CNBD1: variants seen among roughly 807,000 people sequenced by gnomAD.
The protein encoded by CNBD1 is cyclic nucleotide-binding domain-containing protein 1.
A neutral mutation model predicts 54.4 loss-of-function variants in CNBD1; 71 were observed. The ratio of observed to expected loss-of-function variants is 1.30; its 90% CI spans 1.08 to 1.59. The LOEUF is 1.59. CNBD1 is among the 40% of genes most tolerant of loss of function. The probability of loss-of-function intolerance (pLI) is 0.00; values close to 1 mark genes in which losing one functional copy is unlikely to be tolerated. For missense variants in CNBD1, 659 were observed against 518.0 expected (o/e 1.27, Z -2.64); for synonymous variants, 182 against 170.7 (o/e 1.07, Z -0.51).
intron 4 of CNBD1, among the ~76,000 whole-genome samples, chr8:86,946,432 C>A (rs562860759): frequency 1.3e-5 from 2 of 152,000 alleles, no homozygotes; most frequent in Non-Finnish European, 2.9e-5. Context: ...TAGACATAAG[C>A]AAACATCTAT....
intron 4 of CNBD1, among the ~76,000 whole-genome samples, chr8:87,076,018 C>T (rs561364965): frequency 1.7e-4 from 26 of 152,166 alleles, no homozygotes; most frequent in Non-Finnish European, 3.2e-4. Flanking sequence ...AAATATTATA[C>T]ATACACTAGT....
chr8:87,259,102 A>AT (rs377579669), intron 6 of CNBD1, among the ~76,000 whole-genome samples: 4 of 152,104 alleles, frequency 2.6e-5, no homozygotes, highest in African/African-American at 9.7e-5. Context: ...TATAGTGGTA[A>AT]TTTTTAACAA....
intron 5 of CNBD1, among the ~76,000 whole-genome samples, chr8:87,226,867 G>T (rs1298593422): frequency 6.6e-6 from 1 of 151,096 alleles, no homozygotes; most frequent in Non-Finnish European, 1.5e-5. Flanking sequence ...ATTAATGTGT[G>T]GGAATCTGAG....
intron 4 of CNBD1, among the ~76,000 whole-genome samples, chr8:87,098,550 T>C (rs569531319): frequency 2.6e-5 from 4 of 152,038 alleles, no homozygotes; most frequent in Non-Finnish European, 5.9e-5. Flanking sequence ...ACCAAAGACA[T>C]GAAGCTCTTT....
At chr8:87,135,035 A>G (rs1036844037) in intron 4 of CNBD1, among the ~76,000 whole-genome samples, 1 of 152,126 alleles carries the variant, frequency 6.6e-6, no homozygotes, top group African/African-American at 2.4e-5. Context: ...TACTTACTTT[A>G]TACTTTCCTA....
intron 8 of CNBD1, among the ~76,000 whole-genome samples, chr8:87,304,957 G>A (rs1809110500): frequency 1.3e-5 from 2 of 152,068 alleles, no homozygotes; most frequent in Non-Finnish European, 2.9e-5. Context: ...TGGTAAAGAG[G>A]AAGTCAAACT....
chr8:87,387,178 T>C (rs533641675), downstream of CNBD1, among the ~76,000 whole-genome samples: 45 of 152,240 alleles, frequency 3.0e-4, no homozygotes, highest in South Asian at 9.1e-3. Flanking sequence ...CTATCGAGGT[T>C]AGGAAGAAAC....
intron 6 of CNBD1, among the ~76,000 whole-genome samples, chr8:87,238,852 C>G (rs1001283460): frequency 6.6e-6 from 1 of 152,026 alleles, no homozygotes; most frequent in Non-Finnish European, 1.5e-5. Context: ...TAATTTTCCT[C>G]TTCCTTTTAT....
intron 4 of CNBD1, among the ~76,000 whole-genome samples, chr8:87,179,329 G>A (rs1474667924): frequency 1.3e-5 from 2 of 152,132 alleles, no homozygotes; most frequent in African/African-American, 2.4e-5. Context: ...AAAAACTGCA[G>A]TTTTAAAACA....
At chr8:87,394,406 C>A (rs1048875488) in intron 2 of CNBD1, among the ~76,000 whole-genome samples, 2 of 151,782 alleles carry the variant, frequency 1.3e-5, no homozygotes, top group Admixed American at 6.6e-5. Context: ...AGACACGAAC[C>A]AACTTATCCT....
intron 4 of CNBD1, among the ~76,000 whole-genome samples, chr8:87,067,158 T>C (rs1810671176): frequency 6.6e-6 from 1 of 151,952 alleles, no homozygotes; most frequent in Non-Finnish European, 1.5e-5. Context: ...TGAGCTCAAT[T>C]GTTTAGAGAT....
At chr8:87,144,457 A>G (rs1812440336) in intron 4 of CNBD1, among the ~76,000 whole-genome samples, 1 of 152,224 alleles carries the variant, frequency 6.6e-6, no homozygotes, top group South Asian at 2.1e-4. Context: ...ATATAAAGGG[A>G]TAAAAATAAA....
intron 4 of CNBD1, among the ~76,000 whole-genome samples, chr8:87,104,346 C>G (rs1811490958): frequency 6.6e-6 from 1 of 152,048 alleles, no homozygotes. Context: ...TGGCAAATTC[C>G]AAGAATGGCT....
intron 8 of CNBD1, among the ~76,000 whole-genome samples, chr8:87,321,455 A>G (rs998622076): frequency 5.9e-5 from 9 of 152,166 alleles, no homozygotes; most frequent in African/African-American, 2.2e-4. Context: ...AGTGATACTG[A>G]ACATCTTTTC....
At chr8:86,944,539 G>A (rs770140684) in intron 4 of CNBD1, among the ~76,000 whole-genome samples, 6 of 152,136 alleles carry the variant, frequency 3.9e-5, no homozygotes, top group South Asian at 2.1e-4. Context: ...GCATTCTAGG[G>A]AAAGAAAACA....
chr8:87,279,479 T>C (rs1808549215), intron 6 of CNBD1, among the ~76,000 whole-genome samples: 1 of 151,464 alleles, frequency 6.6e-6, no homozygotes, highest in Admixed American at 6.6e-5. Context: ...CAATACCCTG[T>C]ATGATTACCC....
chr8:87,400,405 A>T (rs984954674), intron 2 of CNBD1, among the ~76,000 whole-genome samples: 1 of 152,004 alleles, frequency 6.6e-6, no homozygotes, highest in Non-Finnish European at 1.5e-5. Context: ...TTGGGTAGAA[A>T]ACTGAAAAGA....
chr8:87,271,285 C>A (rs1353933623), intron 6 of CNBD1, among the ~76,000 whole-genome samples: 1 of 151,372 alleles, frequency 6.6e-6, no homozygotes, highest in Non-Finnish European at 1.5e-5. Flanking sequence ...CTACTCTGAT[C>A]TTTGTTATTT....
chr8:87,419,174 C>A (rs1807884581), intron 2 of CNBD1, among the ~76,000 whole-genome samples: 1 of 151,750 alleles, frequency 6.6e-6, no homozygotes, highest in Admixed American at 6.6e-5. Flanking sequence ...CTTAAAATAA[C>A]AAAGTCATTC....
Sources: gnomAD v4.1 joint callset for allele counts (sites outside exome capture counted in the v4.1 genomes callset) on GRCh38, gnomAD v4.1.1 for gene constraint, MANE v1.5 for transcripts, NCBI Gene and HGNC (gene_info 2026-07-23, HGNC 2026-07-21) for gene names.